The following ABLIM2 variants were observed in gnomAD, a reference collection of about 807,000 sequenced individuals.
ABLIM2 encodes actin binding LIM protein family member 2.
In ABLIM2, 53 loss-of-function variants were observed where a neutral mutation model predicts 97.7. The observed-to-expected ratio is 0.54, with a 90% confidence interval of 0.44 to 0.68. The LOEUF (loss-of-function observed/expected upper bound fraction) is 0.68. Among genes scored for constraint, ABLIM2 ranks in the 30% least tolerant of loss-of-function variants. The probability of loss-of-function intolerance (pLI) is 0.00; values close to 1 mark genes in which losing one functional copy is unlikely to be tolerated. For synonymous variants in ABLIM2, 361 were observed against 345.8 expected (o/e 1.04, Z -0.49); for missense variants, 835 against 867.2 (o/e 0.96, Z 0.47).
At chr4:8,014,690 A>G (rs1767597434) in intron 14 of ABLIM2, among the ~76,000 whole-genome samples, 2 of 152,226 alleles carry the variant, frequency 1.3e-5, no homozygotes, top group African/African-American at 4.8e-5. Flanking sequence ...GGGTGCTTGA[A>G]AAACATCCCT....
Position 8,003,998 on chromosome 4 carries a change from C to T in ABLIM2, c.1618+4061G>A, listed in dbSNP as rs989082309. 6.6e-6 allele frequency among the ~76,000 whole-genome samples: 1 copy of T among 152,104 alleles called. No homozygotes were observed. Among genetic ancestry groups the T allele is most frequent in the African/African-American group, 2.4e-5 (1 of 41,424 alleles). On this transcript the variant is annotated intron_variant, in intron 16 of 20. Transcript: ENST00000447017. The surrounding 1 kb of genome is among the most constrained non-coding windows in gnomAD (Gnocchi z 4.2). ...ACAGTAGCACGTCAGGGAGGCTCTT[C>T]CTTCGACCACGGACTAAGGAACGCG...
intron 1 of ABLIM2, among the ~76,000 whole-genome samples, chr4:8,137,950 T>C (rs1850417040): frequency 6.6e-6 from 1 of 152,162 alleles, no homozygotes; most frequent in Admixed American, 6.5e-5. Context: ...ATAAACAAAA[T>C]GTGGCCCAGC....
chr4:8,069,790 C>T lies in ABLIM2; in HGVS notation c.675+7838G>A, dbSNP rs114422971. On this transcript the variant is annotated intron_variant, in intron 6 of 20. Coordinates refer to ENST00000447017, the MANE Select transcript of ABLIM2 (RefSeq NM_001130083.2). The surrounding 1 kb of genome is among the most constrained non-coding windows in gnomAD (Gnocchi z 4.2). ...GTCCATGCATGTTGTCTGTGTCTCT[C>T]CGTGTGCTTGTGTGTCTCTATGTGT... 0.036 allele frequency among the ~76,000 whole-genome samples: 5,470 copies of T among 151,454 alleles called. 149 individuals carry two copies. Among genetic ancestry groups the T allele is most frequent in the Middle Eastern group, 0.061 (18 of 294 alleles).
At position 8,127,337 on chromosome 4, in the gene ABLIM2, G is replaced by C. The variant is rs761870037; in HGVS notation, c.11-20700C>G. 4.6e-5 allele frequency among the ~76,000 whole-genome samples: 7 copies of C among 152,182 alleles called. No homozygotes were observed. Among genetic ancestry groups the C allele is most frequent in the African/African-American group, 1.7e-4 (7 of 41,450 alleles). ...CTCACCCCACAGTGCTGTCCATAGA[G>C]AGTGTCCCCGAAGCCTGCACCCACT... On this transcript the variant is annotated intron_variant, in intron 1 of 20. Transcript: ENST00000447017. This position sits in a 1 kb window ranked among gnomAD's most constrained non-coding sequence, Gnocchi z 7.3.
chr4:8,141,869 C>T (rs1324563030), intron 1 of ABLIM2, among the ~76,000 whole-genome samples: 2 of 152,236 alleles, frequency 1.3e-5, no homozygotes, highest in Non-Finnish European at 2.9e-5. Flanking sequence ...GCCAAATGCT[C>T]CGCCTGCACT....
At chr4:8,006,404 C>G (rs1761338942) in intron 16 of ABLIM2, among the ~76,000 whole-genome samples, 1 of 152,204 alleles carries the variant, frequency 6.6e-6, no homozygotes, top group South Asian at 2.1e-4. Context: ...AGTATGGCCC[C>G]AGCCTTGCAG....
At chr4:8,006,779 T>C (rs1332303033) in intron 16 of ABLIM2, among the ~76,000 whole-genome samples, 1 of 152,154 alleles carries the variant, frequency 6.6e-6, no homozygotes, top group Non-Finnish European at 1.5e-5. Flanking sequence ...ACCAGCCCCA[T>C]AGCCCCCTTG....
In ABLIM2 at chr4:8,036,145, A is replaced by T; in HGVS notation, c.1047+4T>A. The T allele has an allele frequency of 6.2e-7, 1 of 1,613,720 alleles. No individual in the cohort carries two copies. The highest frequency in any genetic ancestry group is 8.5e-7 in the Non-Finnish European group (1 of 1,179,728). On this transcript the variant is annotated splice_donor_region_variant and intron_variant, in intron 10 of 20. Transcript: ENST00000447017. ...GTCCAGGGCCATGTGGGCAGGGTCCATACCTCGCCGTAGCTCTGCCTGTCC... is the reference window on the plus strand; with the variant it reads ...GTCCAGGGCCATGTGGGCAGGGTCCTTACCTCGCCGTAGCTCTGCCTGTCC...
chr4:8,071,762 T>C lies in ABLIM2; in HGVS notation c.675+5866A>G. 1 of 985,276 alleles carries C rather than the reference T, an allele frequency of 1.0e-6. No individual in the cohort carries two copies. The highest frequency in any genetic ancestry group is 1.2e-6 in the Non-Finnish European group (1 of 829,962). 61.0% of individuals were successfully genotyped at this position (985,276 alleles called of 1,614,324 possible). A position where few individuals can be genotyped will look rare whatever the true frequency, so the allele number is the denominator to read the frequency against. Reference sequence around the variant, plus strand: ...AGCCCCTTGGAGTTGCGGGCCAGGTTTCCTACCTGCACAGCTTCTGGGCAC... The same window carrying C: ...AGCCCCTTGGAGTTGCGGGCCAGGTCTCCTACCTGCACAGCTTCTGGGCAC... On this transcript the variant is annotated intron_variant, in intron 6 of 20. Coordinates refer to ENST00000447017, the MANE Select transcript of ABLIM2 (RefSeq NM_001130083.2). This position sits in a 1 kb window ranked among gnomAD's most constrained non-coding sequence, Gnocchi z 6.2.
At chr4:8,039,813 G>T (rs1013939912) in intron 9 of ABLIM2, among the ~76,000 whole-genome samples, 2 of 151,516 alleles carry the variant, frequency 1.3e-5, no homozygotes, top group Non-Finnish European at 2.9e-5. Context: ...AGAAGCATCG[G>T]CAGGGCCACT....
chr4:8,077,771 T>C (rs1817210578), intron 5 of ABLIM2, 50 bp from the exon 6 acceptor site: 1 of 1,502,404 alleles, frequency 6.7e-7, no homozygotes, highest in Non-Finnish European at 9.1e-7. Context: ...CCGAGGACCC[T>C]TGAGATCTAA....
chr4:8,070,846 C>G (rs1215522837), intron 6 of ABLIM2, among the ~76,000 whole-genome samples: 1 of 152,082 alleles, frequency 6.6e-6, no homozygotes, highest in African/African-American at 2.4e-5. Flanking sequence ...ATTCGCAGAA[C>G]CAGGGGGACG....
In ABLIM2 at chr4:8,124,701, T is replaced by G. The variant is rs770677629; in HGVS notation, c.11-18064A>C. ...GTGTCTACTTTTTGGTGATTGTGAA[T>G]AACACGGCTATGAACATTCGAGTGT... On this transcript the variant is annotated intron_variant, in intron 1 of 20. Coordinates refer to ENST00000447017, the MANE Select transcript of ABLIM2 (RefSeq NM_001130083.2). This position sits in a 1 kb window ranked among gnomAD's most constrained non-coding sequence, Gnocchi z 6.1. Among the ~76,000 whole-genome samples the G allele has an allele frequency of 2.0e-5, 3 of 152,228 alleles. No individual in the cohort carries two copies. The highest frequency in any genetic ancestry group is 2.9e-5 in the Non-Finnish European group (2 of 68,042).
At chr4:8,100,199 G>T (rs1002750021) in intron 2 of ABLIM2, among the ~76,000 whole-genome samples, 2 of 152,116 alleles carry the variant, frequency 1.3e-5, no homozygotes, top group East Asian at 3.9e-4. Flanking sequence ...CCCTCTCCTG[G>T]GATTGTCCCA....
intron 9 of ABLIM2, among the ~76,000 whole-genome samples, chr4:8,039,413 C>T (rs372975867): frequency 4.6e-5 from 7 of 152,296 alleles, no homozygotes; most frequent in East Asian, 1.9e-4. Context: ...GCAGCCTGCA[C>T]GATGCCAACA....
rs973480064 is a variant in ABLIM2 at position 7,967,228 on chromosome 4, G to A, written c.1825-125C>T. ...CATTGAGGATGGGGTGGCCCTCAGCGTGCTCGGCCTCCTGGCGGTTCCTGA... is the reference window on the plus strand; with the variant it reads ...CATTGAGGATGGGGTGGCCCTCAGCATGCTCGGCCTCCTGGCGGTTCCTGA... On this transcript the variant is annotated intron_variant, in intron 20 of 20. Transcript: ENST00000447017. The A allele has an allele frequency of 1.9e-4, 144 of 766,070 alleles. 1 individual carries two copies. The highest frequency in any genetic ancestry group is 1.2e-4 in the Non-Finnish European group (55 of 447,780). The allele number at this position is 766,070 out of a possible 1,614,324, so 47.5% of individuals were successfully genotyped here. A position where few individuals can be genotyped will look rare whatever the true frequency, so the allele number is the denominator to read the frequency against.
chr4:8,105,065 G>C (rs1577950603), intron 2 of ABLIM2, among the ~76,000 whole-genome samples: 2 of 152,310 alleles, frequency 1.3e-5, no homozygotes, highest in East Asian at 1.9e-4. Flanking sequence ...CCCTGGGCAA[G>C]CTCCTCGCGC....
chr4:8,102,110 A>G (rs1834946425), intron 2 of ABLIM2, among the ~76,000 whole-genome samples: 1 of 152,196 alleles, frequency 6.6e-6, no homozygotes, highest in African/African-American at 2.4e-5. Flanking sequence ...TTTCCTTGCT[A>G]GTGTCAAAGC....
intron 2 of ABLIM2, among the ~76,000 whole-genome samples, chr4:8,104,878 C>A (rs999660637): frequency 6.6e-6 from 1 of 152,182 alleles, no homozygotes; most frequent in Non-Finnish European, 1.5e-5. Flanking sequence ...CTTTAGACTG[C>A]GCCTGCAGAC....
Sources: allele counts gnomAD v4.1 joint callset (sites outside exome capture counted in the v4.1 genomes callset), GRCh38; gene constraint gnomAD v4.1.1; non-coding constraint Gnocchi (gnomAD v3.1); transcripts MANE v1.5; gene names NCBI Gene and HGNC (gene_info 2026-07-23, HGNC 2026-07-21).